PHF20: variants seen among roughly 807,000 people sequenced by gnomAD.
PHF20 encodes glioma-expressed antigen 2.
In PHF20, 23 loss-of-function variants were observed where a neutral mutation model predicts 113.5. The ratio of observed to expected loss-of-function variants is 0.20; its 90% confidence interval spans 0.15 to 0.29. The LOEUF is 0.29. PHF20 is among the 10% of genes least tolerant of loss of function. PHF20 has a pLI of 1.00. For synonymous variants in PHF20, 434 were observed against 457.3 expected, an observed-to-expected ratio of 0.95 and a Z score of 0.65; for missense variants, 943 against 1,219.6, an observed-to-expected ratio of 0.77 and a Z score of 3.38.
intron 1 of PHF20, among the ~76,000 whole-genome samples, chr20:35,793,995 C>CAAAAAAAAAAAAAAAAAAAAA (rs56189104): frequency 5.9e-5 from 2 of 33,838 alleles, no homozygotes; most frequent in Non-Finnish European, 1.1e-4. Context: ...GACTCTGTCT[C>CAAAAAAAAAAAAAAAAAAAAA]AAAAAAAAAA....
intron 4 of PHF20, among the ~76,000 whole-genome samples, chr20:35,850,466 A>T: frequency 6.7e-6 from 1 of 149,328 alleles, no homozygotes; most frequent in African/African-American, 2.4e-5. Flanking sequence ...ATGCCACACC[A>T]CACCTGGCTA....
intron 9 of PHF20, among the ~76,000 whole-genome samples, chr20:35,897,723 C>T (rs371942754): frequency 2.0e-5 from 3 of 151,558 alleles, no homozygotes; most frequent in South Asian, 4.2e-4. Context: ...CCCGACACCA[C>T]GCCCGACTAA....
At chr20:35,812,773 A>G (rs192365349) in intron 2 of PHF20, among the ~76,000 whole-genome samples, 1 of 152,244 alleles carries the variant, frequency 6.6e-6, no homozygotes, top group East Asian at 1.9e-4. Flanking sequence ...TTGTGCAAGT[A>G]GTAGATAATC....
chr20:35,857,017 A>G (rs2042841504), intron 4 of PHF20, among the ~76,000 whole-genome samples: 2 of 152,152 alleles, frequency 1.3e-5, no homozygotes, highest in African/African-American at 4.8e-5. Context: ...AAGAGAATGT[A>G]TCAGAAGGAG....
chr20:35,863,125 A>C lies in PHF20; in HGVS notation c.533A>C (p.Lys178Thr). 1 of 1,613,860 alleles carries C rather than the reference A, an allele frequency of 6.2e-7. No individual in the cohort carries two copies. Among genetic ancestry groups the C allele is most frequent in the South Asian group, 1.1e-5 (1 of 91,034 alleles). Residue 178 changes from lysine (K) to threonine (T), a missense_variant, in exon 6 of 18, where the codon AAA becomes ACA. Physicochemically the swap from Lys to Thr is moderately conservative, Grantham distance 78 (BLOSUM62 -1). This residue lies in a region of PHF20 where 592 missense variants were observed against 787.2 expected (regional missense o/e 0.75). Transcript: ENST00000374012. The part of the protein sequence containing the change: ...EQRKATVNVK[K>T]DKEDKPLKTE... ...AGAAAAGCAACAGTGAATGTGAAGA[A>C]AGACAAAGAAGATAAACCCTTAAAG...
At chr20:35,833,050 C>CAAAA (rs56997481) in intron 2 of PHF20, among the ~76,000 whole-genome samples, 3 of 69,828 alleles carry the variant, frequency 4.3e-5, no homozygotes, top group Non-Finnish European at 6.0e-5. Flanking sequence ...GACTCCATCT[C>CAAAA]AAAAAAAAAA....
chr20:35,870,089 G>A (rs1189399771), intron 7 of PHF20, among the ~76,000 whole-genome samples: 1 of 152,054 alleles, frequency 6.6e-6, no homozygotes, highest in East Asian at 1.9e-4. Flanking sequence ...CAGATCATGA[G>A]GACGGGAGAT....
intron 5 of PHF20, among the ~76,000 whole-genome samples, chr20:35,860,374 G>A (rs2054198801): frequency 6.6e-6 from 1 of 151,080 alleles, no homozygotes; most frequent in Non-Finnish European, 1.5e-5. Flanking sequence ...CTGAGTAGCC[G>A]GGACTACAGG....
Position 35,940,918 on chromosome 20 carries a change from C to T in PHF20, c.2767C>T (p.Leu923=). The T allele has an allele frequency of 1.2e-6, 2 of 1,614,174 alleles. No homozygotes were observed. The highest frequency in any genetic ancestry group is 1.7e-6 in the Non-Finnish European group (2 of 1,180,012). ...ALPEEAPARK[L]LDRGGEGLLS... Reference sequence around the variant, plus strand: ...ACCAGAAGAAGCCCCTGCTCGGAAGCTGCTGGACAGAGGTGGAGAGGGGCT... The same window carrying T: ...ACCAGAAGAAGCCCCTGCTCGGAAGTTGCTGGACAGAGGTGGAGAGGGGCT... The change falls in exon 17 of 18, where the codon CTG becomes TTG. Residue 923 remains leucine, a synonymous_variant. Coordinates refer to ENST00000374012, the MANE Select transcript of PHF20 (RefSeq NM_016436.5).
intron 4 of PHF20, among the ~76,000 whole-genome samples, chr20:35,856,105 G>A (rs1290808866): frequency 2.0e-5 from 3 of 151,034 alleles, no homozygotes; most frequent in African/African-American, 4.9e-5. Flanking sequence ...CCCCACCCCT[G>A]CCTACTACCC....
chr20:35,881,352 C>G (rs1328046805), intron 9 of PHF20, among the ~76,000 whole-genome samples: 1 of 151,672 alleles, frequency 6.6e-6, no homozygotes, highest in African/African-American at 2.4e-5. Context: ...GCCACCGCAC[C>G]CGGCCTCCCT....
At chr20:35,824,612 A>G (rs559679785) in intron 2 of PHF20, among the ~76,000 whole-genome samples, 215 of 152,246 alleles carry the variant, frequency 1.4e-3, no homozygotes, top group African/African-American at 5.1e-3. Context: ...TCTCAAAAAA[A>G]AAAAAAAATT....
At chr20:35,777,713 C>A (rs549323586) in intron 1 of PHF20, among the ~76,000 whole-genome samples, 23 of 152,218 alleles carry the variant, frequency 1.5e-4, no homozygotes, top group Admixed American at 6.5e-4. Context: ...AGTCCCAGCT[C>A]CTTGGGAGGC....
intron 2 of PHF20, among the ~76,000 whole-genome samples, chr20:35,803,574 C>T (rs1044049893): frequency 2.6e-5 from 4 of 151,694 alleles, no homozygotes; most frequent in African/African-American, 9.7e-5. Context: ...ATCTGCCTGC[C>T]TCGGCCTCCC....
intron 10 of PHF20, among the ~76,000 whole-genome samples, chr20:35,899,999 G>A (rs3787174): frequency 0.17 from 26,448 of 152,120 alleles, 2,527 homozygotes; most frequent in South Asian, 0.35. Flanking sequence ...AAACCTGTGC[G>A]TTTTCCTTGC....
chr20:35,866,010 A>G (rs934591413), intron 6 of PHF20, among the ~76,000 whole-genome samples: 1 of 152,044 alleles, frequency 6.6e-6, no homozygotes, highest in African/African-American at 2.4e-5. Flanking sequence ...GGAGTTCGAG[A>G]CCAGCCTGGC....
intron 2 of PHF20, among the ~76,000 whole-genome samples, chr20:35,835,449 G>T (rs1407551384): frequency 1.3e-5 from 2 of 152,110 alleles, no homozygotes; most frequent in Admixed American, 1.3e-4. Context: ...CTGAAACTGG[G>T]CAGGAAGGGC....
chr20:35,791,020 G>A (rs1462433035), intron 1 of PHF20, among the ~76,000 whole-genome samples: 5 of 151,940 alleles, frequency 3.3e-5, no homozygotes, highest in East Asian at 1.9e-4. Flanking sequence ...CACCATGCCC[G>A]GCTAATTTTT....
At chr20:35,800,928 G>C (rs1362314962) in intron 1 of PHF20, among the ~76,000 whole-genome samples, 1 of 152,126 alleles carries the variant, frequency 6.6e-6, no homozygotes, top group African/African-American at 2.4e-5. Flanking sequence ...TGGGCTCAAA[G>C]AAACAACTTG....
Sources: allele counts gnomAD v4.1 joint callset (sites outside exome capture counted in the v4.1 genomes callset), GRCh38; gene constraint gnomAD v4.1.1; regional missense constraint gnomAD v4.1.1; transcripts MANE v1.5; gene names NCBI Gene and HGNC (gene_info 2026-07-23, HGNC 2026-07-21).